SNTG1: variants seen among roughly 807,000 people sequenced by gnomAD.
The protein encoded by SNTG1 is syntrophin gamma 1.
A neutral mutation model predicts 74.7 loss-of-function variants in SNTG1; 39 were observed. That is an observed-to-expected ratio of 0.52 (90% CI 0.40 to 0.68). The LOEUF is 0.68. Ranked by LOEUF, SNTG1 falls within the 30% of genes least tolerant of loss-of-function variation. The pLI is 0.00. For missense variants in SNTG1, 685 were observed against 609.5 expected, an observed-to-expected ratio of 1.12 and a Z score of -1.30; for synonymous variants, 254 against 217.1, an observed-to-expected ratio of 1.17 and a Z score of -1.49.
At chr8:50,248,800 T>C (rs4368993) in intron 2 of SNTG1, among the ~76,000 whole-genome samples, 136,122 of 152,210 alleles carry the variant, frequency 0.89, 62,323 homozygotes, top group East Asian at 1. Context: ...TTAGCAATAA[T>C]TCATATTTCT....
intron 2 of SNTG1, among the ~76,000 whole-genome samples, chr8:50,311,670 C>T (rs917147043): frequency 6.6e-6 from 1 of 152,132 alleles, no homozygotes; most frequent in African/African-American, 2.4e-5. Flanking sequence ...ACAACTTGTT[C>T]AATTCTCTTT....
chr8:50,713,828 G>C (rs918934675), intron 17 of SNTG1, among the ~76,000 whole-genome samples: 4 of 152,058 alleles, frequency 2.6e-5, no homozygotes, highest in African/African-American at 9.7e-5. Context: ...GGAAGGCCAG[G>C]GCGGGCGGAA....
chr8:50,194,647 CT>C (rs1035055658), intron 2 of SNTG1, among the ~76,000 whole-genome samples: 1 of 151,794 alleles, frequency 6.6e-6, no homozygotes, highest in African/African-American at 2.4e-5. Flanking sequence ...TTTTGTACTT[CT>C]TTTGGTTTCA....
At chr8:49,991,697 C>A (rs1261005283) in intron 1 of SNTG1, among the ~76,000 whole-genome samples, 1 of 152,008 alleles carries the variant, frequency 6.6e-6, no homozygotes, top group Non-Finnish European at 1.5e-5. Context: ...TTGAAATAAT[C>A]CAGTTACAAA....
In SNTG1 at chr8:50,430,637, C is replaced by A. The variant is rs2131521405; in HGVS notation, c.163-7906C>A. ...TTTGTTCTAAGGGGTGTTTTATTGGCAGAACTTGCAGACAGAAATGTGGTC... is the reference window on the plus strand; with the variant it reads ...TTTGTTCTAAGGGGTGTTTTATTGGAAGAACTTGCAGACAGAAATGTGGTC... On this transcript the variant is annotated intron_variant, in intron 4 of 18. Transcript: ENST00000642720. Among the ~76,000 whole-genome samples the A allele has an allele frequency of 1.3e-5, 2 of 152,224 alleles. 1 individual carries two copies. The highest frequency in any genetic ancestry group is 4.1e-4 in the South Asian group (2 of 4,824).
chr8:50,768,938 T>C (rs2095620362), intron 18 of SNTG1, among the ~76,000 whole-genome samples: 1 of 151,994 alleles, frequency 6.6e-6, no homozygotes, highest in Non-Finnish European at 1.5e-5. Context: ...AATGATTGAA[T>C]TGAGAACAGG....
intron 1 of SNTG1, among the ~76,000 whole-genome samples, chr8:50,020,592 T>A (rs962279150): frequency 1.3e-5 from 2 of 152,194 alleles, no homozygotes; most frequent in African/African-American, 4.8e-5. Flanking sequence ...ACATCATTAA[T>A]CTGCATGGAT....
chr8:50,589,606 A>T lies in SNTG1; in HGVS notation c.811-1273A>T, dbSNP rs186957235. On this transcript the variant is annotated intron_variant, in intron 12 of 18. Coordinates refer to ENST00000642720, the MANE Select transcript of SNTG1 (RefSeq NM_018967.5). ...TTTTCAGATTAAAAAAAAAAAAAAC[A>T]TTGCAGTTTACGAAGCTACATAGTA... is the stretch of plus-strand genomic sequence containing the variant. Among the ~76,000 whole-genome samples the T allele has an allele frequency of 4.3e-3, 641 of 150,182 alleles. 8 individuals are homozygous for T. Among genetic ancestry groups the T allele is most frequent in the African/African-American group, 0.014 (580 of 40,060 alleles).
At chr8:50,738,632 G>A (rs917691100) in intron 17 of SNTG1, among the ~76,000 whole-genome samples, 9 of 152,008 alleles carry the variant, frequency 5.9e-5, no homozygotes, top group East Asian at 5.8e-4. Flanking sequence ...CAAAGCTGGA[G>A]GCATCATGAT....
chr8:50,373,350 TGAG>T lies in SNTG1; in HGVS notation c.-27-20861_-27-20859del, dbSNP rs1297773758. On this transcript the variant is annotated intron_variant, in intron 2 of 18. Coordinates refer to ENST00000642720, the MANE Select transcript of SNTG1 (RefSeq NM_018967.5). ...TATGGTAGGTCACTGTTTAAATTGT[TGAG>T]TAAATCTCACTTGTTAAGTCTAGTG... Among the ~76,000 whole-genome samples, 7 of 152,344 alleles carry T rather than the reference TGAG, an allele frequency of 4.6e-5. No homozygotes were observed. The South Asian group carries it at 1.4e-3, about 32-fold the overall frequency.
Position 50,710,771 on chromosome 8 carries a change from G to C in SNTG1, c.1284+1793G>C, listed in dbSNP as rs181885343. Reference sequence around the variant, plus strand: ...GTTCTGGGAACGAGTGCGTAGTCAGGAGTGTCTAAGTGAATGATTATGATG... The same window carrying C: ...GTTCTGGGAACGAGTGCGTAGTCAGCAGTGTCTAAGTGAATGATTATGATG... On this transcript the variant is annotated intron_variant, in intron 17 of 18. Transcript: ENST00000642720. 9.0e-4 allele frequency among the ~76,000 whole-genome samples: 137 copies of C among 152,266 alleles called. 2 individuals carry two copies. The highest frequency in any genetic ancestry group is 6.8e-3 in the Middle Eastern group (2 of 294).
At chr8:50,613,641 T>A (rs533926148) in intron 13 of SNTG1, among the ~76,000 whole-genome samples, 1 of 152,282 alleles carries the variant, frequency 6.6e-6, no homozygotes, top group African/African-American at 2.4e-5. Flanking sequence ...AAAATACACA[T>A]ACATGGCTGG....
intron 2 of SNTG1, among the ~76,000 whole-genome samples, chr8:50,394,001 G>T (rs1462481875): frequency 1.3e-5 from 2 of 152,204 alleles, no homozygotes; most frequent in African/African-American, 4.8e-5. Flanking sequence ...ATGATGGCAG[G>T]ATATTTATAC....
chr8:50,161,448 A>G (rs1306387122), intron 1 of SNTG1, among the ~76,000 whole-genome samples: 1 of 152,232 alleles, frequency 6.6e-6, no homozygotes, highest in African/African-American at 2.4e-5. Context: ...GGCTTGGGGC[A>G]TAAGAGTTGT....
intron 2 of SNTG1, among the ~76,000 whole-genome samples, chr8:50,205,999 T>C (rs7824756): frequency 0.43 from 65,035 of 151,500 alleles, 17,616 homozygotes; most frequent in African/African-American, 0.78. Context: ...AGTCAGGTAG[T>C]GTGATGCCTC....
At chr8:50,505,721 A>C (rs1200957126) in intron 9 of SNTG1, among the ~76,000 whole-genome samples, 1 of 152,104 alleles carries the variant, frequency 6.6e-6, no homozygotes, top group African/African-American at 2.4e-5. Flanking sequence ...GCTGTTGTTG[A>C]GTTGTAAGAA....
chr8:50,579,434 T>A (rs1231500179), intron 12 of SNTG1, among the ~76,000 whole-genome samples: 3 of 152,142 alleles, frequency 2.0e-5, no homozygotes, highest in Non-Finnish European at 2.9e-5. Context: ...GCATAAGTAG[T>A]GAAGAGCTGA....
intron 1 of SNTG1, among the ~76,000 whole-genome samples, chr8:50,085,611 A>G (rs1019847409): frequency 3.9e-5 from 6 of 152,110 alleles, no homozygotes; most frequent in East Asian, 1.9e-4. Flanking sequence ...CCTCATTGTC[A>G]CATTTAGTAG....
intron 4 of SNTG1, among the ~76,000 whole-genome samples, chr8:50,407,078 G>C (rs2092886196): frequency 6.6e-6 from 1 of 152,148 alleles, no homozygotes; most frequent in Non-Finnish European, 1.5e-5. Context: ...ACCTTTCACA[G>C]TGCACTGTTT....
Sources: gnomAD v4.1 joint callset for allele counts (sites outside exome capture counted in the v4.1 genomes callset) on GRCh38, gnomAD v4.1.1 for gene constraint, MANE v1.5 for transcripts, NCBI Gene and HGNC (gene_info 2026-07-23, HGNC 2026-07-21) for gene names.